DLD: variants seen among roughly 807,000 people sequenced by gnomAD.
DLD encodes dihydrolipoamide dehydrogenase.
A neutral mutation model predicts 62.2 loss-of-function variants in DLD; 36 were observed. The observed-to-expected ratio is 0.58, with a 90% confidence interval of 0.44 to 0.76. DLD has a LOEUF of 0.76. Among genes scored for constraint, DLD ranks in the 30% least tolerant of loss-of-function variants. The pLI is 0.00. For synonymous variants in DLD, 204 were observed against 199.6 expected, an observed-to-expected ratio of 1.02 and a Z score of -0.19; for missense variants, 541 against 608.6, an observed-to-expected ratio of 0.89 and a Z score of 1.17.
At position 107,905,376 on chromosome 7, in the gene DLD, G is replaced by C; in HGVS notation, c.454G>C (p.Gly152Arg). ...TTTTGTAAAGGTTGTTCATGTCAAT[G>C]GATATGGAAAGATAACTGGCAAAAA... ...FKQNKVVHVN[G>R]YGKITGKNQV... Residue 152 changes from glycine to arginine, a missense_variant, in exon 7 of 14, where the codon GGA becomes CGA. Gly to Arg is a moderately radical substitution (Grantham distance 125). Transcript: ENST00000205402. The C allele has an allele frequency of 6.2e-7, 1 of 1,613,406 alleles. No homozygotes were observed. Among genetic ancestry groups the C allele is most frequent in the Non-Finnish European group, 8.5e-7 (1 of 1,179,472 alleles).
chr7:107,891,401 C>T, intron 1 of DLD, 112 bp downstream of exon 1: 3 of 1,210,070 alleles, frequency 2.5e-6, no homozygotes, highest in South Asian at 2.5e-5. Context: ...GCGCCTGGGC[C>T]GCACCACCCC....
chr7:107,918,960 C>A, intron 12 of DLD, 50 bp from the exon 13 acceptor site: 1 of 1,436,146 alleles, frequency 7.0e-7, no homozygotes, highest in Non-Finnish European at 9.8e-7. Flanking sequence ...ATCCTATTAG[C>A]ATGTAGTTTT....
Position 107,920,727 on chromosome 7 carries a change from T to C in DLD, c.*1468T>C, listed in dbSNP as rs1427174023. The C allele has an allele frequency of 2.0e-5, 3 of 152,224 alleles. No individual in the cohort carries two copies. The highest frequency in any genetic ancestry group is 2.9e-5 in the Non-Finnish European group (2 of 68,056). The allele number at this position is 152,224 out of a possible 1,614,324, so 9.4% of individuals were successfully genotyped here. A position where few individuals can be genotyped will look rare whatever the true frequency, so the allele number is the denominator to read the frequency against. ...ATTCTGCCTTCTGATCCTTAACCAA[T>C]AAAACTTGGCTTTTGTTTCCCCCTC... On this transcript the variant is annotated 3_prime_UTR_variant, in exon 14 of 14. Transcript: ENST00000205402.
At chr7:107,902,858 G>T (rs2031909671) in intron 4 of DLD, among the ~76,000 whole-genome samples, 1 of 151,900 alleles carries the variant, frequency 6.6e-6, no homozygotes, top group Non-Finnish European at 1.5e-5. Flanking sequence ...CATCATTATT[G>T]TTTGTCTTTG....
chr7:107,914,020 A>G (rs954346085), intron 8 of DLD, among the ~76,000 whole-genome samples: 1 of 152,150 alleles, frequency 6.6e-6, no homozygotes, highest in Admixed American at 6.6e-5. Context: ...GTGATGAATC[A>G]TGTTTATTGA....
chr7:107,904,402 T>C (rs2031953337), intron 5 of DLD, among the ~76,000 whole-genome samples: 1 of 152,180 alleles, frequency 6.6e-6, no homozygotes, highest in African/African-American at 2.4e-5. Context: ...TTATATGAGG[T>C]ACTTTCTAAG....
rs1304989094 is a variant in DLD, at chr7:107,915,776, A to G, written c.875+80A>G. ...ACTCAAGTTTCAAAATCAGTTTAGC[A>G]AATATAGGGTTTTTTCTAACTTAAG... On this transcript the variant is annotated intron_variant, in intron 9 of 13. Transcript: ENST00000205402. 15 of 1,299,750 alleles carry G rather than the reference A, an allele frequency of 1.2e-5. No homozygotes were observed. The Admixed American group carries it at 2.7e-4, about 23-fold the overall frequency. The allele number at this position is 1,299,750 out of a possible 1,614,324, so 80.5% of individuals were successfully genotyped here. A position where few individuals can be genotyped will look rare whatever the true frequency, so the allele number is the denominator to read the frequency against.
intron 8 of DLD, among the ~76,000 whole-genome samples, chr7:107,908,682 C>T (rs1373934472): frequency 3.4e-5 from 5 of 145,864 alleles, no homozygotes; most frequent in Admixed American, 3.4e-4. Flanking sequence ...AAAAAAAAAA[C>T]CCCAAAACAA....
intron 2 of DLD, chr7:107,893,575 G>A (rs1354391371): frequency 4.4e-6 from 1 of 228,276 alleles, no homozygotes; most frequent in Non-Finnish European, 8.6e-6. Context: ...GGGAGGAAGA[G>A]AGATAATTTT....
intron 9 of DLD, 124 bp from the exon 10 acceptor site, chr7:107,916,670 C>T (rs1278679462): frequency 1.8e-6 from 2 of 1,099,304 alleles, no homozygotes; most frequent in Non-Finnish European, 2.8e-6. Context: ...GACTCTGTCT[C>T]AAAAACAAAA....
intron 9 of DLD, among the ~76,000 whole-genome samples, chr7:107,915,904 C>T (rs1276457533): frequency 6.6e-6 from 1 of 152,208 alleles, no homozygotes; most frequent in East Asian, 1.9e-4. Context: ...CCAATATTCT[C>T]ATTGTTGTGC....
chr7:107,911,607 G>C (rs1210718934), intron 8 of DLD, among the ~76,000 whole-genome samples: 1 of 151,944 alleles, frequency 6.6e-6, no homozygotes, highest in Non-Finnish European at 1.5e-5. Flanking sequence ...TTGTTGCTCT[G>C]CTTTTCCACT....
At position 107,906,254 on chromosome 7, in the gene DLD, G is replaced by A; in HGVS notation, c.583-13G>A. ...TCAAATTATTTTGATTATATCTTTT[G>A]TTTTTCTTACAGATAGATGAAGATA... On this transcript the variant is annotated splice_polypyrimidine_tract_variant and intron_variant, in intron 7 of 13. Transcript: ENST00000205402. The A allele has an allele frequency of 1.3e-6, 2 of 1,485,460 alleles. No individual in the cohort carries two copies. Among genetic ancestry groups the A allele is most frequent in the African/African-American group, 1.4e-5 (1 of 72,246 alleles). 92.0% of individuals were successfully genotyped at this position (1,485,460 alleles called of 1,614,324 possible).
In DLD at chr7:107,893,204, G is replaced by C. The variant is rs145916117; in HGVS notation, c.44G>C (p.Gly15Ala). The C allele has an allele frequency of 6.2e-7, 1 of 1,612,900 alleles. No individual in the cohort carries two copies. The highest frequency in any genetic ancestry group is 2.2e-5 in the East Asian group (1 of 44,838). The change falls in exon 2 of 14, where the codon GGC (glycine) becomes GCC (alanine). Residue 15 changes from glycine to alanine, a missense_variant. Physicochemically the swap from Gly to Ala is moderately conservative, Grantham distance 60 (BLOSUM62 0). Coordinates refer to ENST00000205402, the MANE Select transcript of DLD (RefSeq NM_000108.5). ...AGGGACATTTTCTTTTTCTAGAGAG[G>C]CCATTTCAATCGAATATCTCATGGC... ...SRVYCSLAKRGHFNRISHGLQ... is the reference protein window; with the variant it reads ...SRVYCSLAKRAHFNRISHGLQ...
intron 8 of DLD, among the ~76,000 whole-genome samples, chr7:107,909,839 C>CTTTTTTTTTTTTTTTTTTTTTTT (rs71134292): frequency 1.4e-5 from 1 of 73,052 alleles, no homozygotes; most frequent in Non-Finnish European, 2.3e-5. Context: ...GGAGAATTAA[C>CTTTTTTTTTTTTTTTTTTTTTTT]TTTTTTTTTT....
intron 8 of DLD, among the ~76,000 whole-genome samples, chr7:107,909,036 A>G (rs2032076013): frequency 6.6e-6 from 1 of 152,210 alleles, no homozygotes; most frequent in African/African-American, 2.4e-5. Context: ...GGTTGTAGAG[A>G]GTACTTCTTT....
At chr7:107,898,213 C>CTT (rs2031778851) in intron 2 of DLD, among the ~76,000 whole-genome samples, 1 of 150,526 alleles carries the variant, frequency 6.6e-6, no homozygotes, top group African/African-American at 2.4e-5. Flanking sequence ...TCATTTGCCA[C>CTT]TTTTCCATCA....
chr7:107,904,553 T>C (rs2031956112), intron 5 of DLD: 3 of 382,766 alleles, frequency 7.8e-6, no homozygotes, highest in Admixed American at 7.1e-5. Flanking sequence ...TATTTGAAAT[T>C]TTTAAACGTG....
intron 2 of DLD, among the ~76,000 whole-genome samples, chr7:107,894,184 CT>C (rs2031660828): frequency 6.6e-6 from 1 of 152,092 alleles, no homozygotes; most frequent in Non-Finnish European, 1.5e-5. Context: ...GTATTTTGAC[CT>C]GTCAGTACCA....
Sources: allele counts gnomAD v4.1 joint callset (sites outside exome capture counted in the v4.1 genomes callset), GRCh38; gene constraint gnomAD v4.1.1; transcripts MANE v1.5; gene names NCBI Gene and HGNC (gene_info 2026-07-23, HGNC 2026-07-21).